The following DNAH6 variants were observed in gnomAD, a reference collection of about 807,000 sequenced individuals.
DNAH6 encodes the protein axonemal beta dynein heavy chain 6.
A neutral mutation model predicts 491.4 loss-of-function variants in DNAH6; 340 were observed. The ratio of observed to expected loss-of-function variants is 0.69; its 90% CI spans 0.63 to 0.76. The LOEUF (loss-of-function observed/expected upper bound fraction) is 0.76. Ranked by LOEUF, DNAH6 falls within the 30% of genes least tolerant of loss-of-function variation. The pLI, the probability that DNAH6 is intolerant of heterozygous loss-of-function variation, is 0.00. For synonymous variants in DNAH6, 1,603 were observed against 1,686.1 expected (o/e 0.95, Z 1.21); for missense variants, 4,443 against 4,972.2 (o/e 0.89, Z 3.20).
chr2:84,687,019 T>C (rs1051044824), intron 44 of DNAH6, among the ~76,000 whole-genome samples: 1 of 152,228 alleles, frequency 6.6e-6, no homozygotes, highest in African/African-American at 2.4e-5. Context: ...CTCTACATAG[T>C]GAAGCTACTT....
the DNAH6 span, among the ~76,000 whole-genome samples, chr2:84,489,829 A>G: frequency 2.0e-5 from 3 of 152,194 alleles, no homozygotes; most frequent in Non-Finnish European, 2.9e-5. Context: ...GTTAGACCTC[A>G]TCCCCAGAGT....
At chr2:84,756,030 AGG>A (rs1673976224) in intron 63 of DNAH6, among the ~76,000 whole-genome samples, 1 of 152,174 alleles carries the variant, frequency 6.6e-6, no homozygotes, top group Non-Finnish European at 1.5e-5. Flanking sequence ...CATGATTGTG[AGG>A]CTTCCCCAGC....
rs1252726073 is a variant in DNAH6, at chr2:84,634,470, A to G, written c.4516-34A>G. ...AATTTTTGAAGGAGCTGAACTACAC[A>G]ATACAAAGTTGAACTGCTTTATTTT... On this transcript the variant is annotated intron_variant, in intron 29 of 76. Coordinates refer to ENST00000389394, the MANE Select transcript of DNAH6 (RefSeq NM_001370.2). The G allele has an allele frequency of 2.2e-5, 32 of 1,486,542 alleles. No individual in the cohort carries two copies. The East Asian group carries it at 6.9e-4, about 32-fold the overall frequency. 92.1% of individuals were successfully genotyped at this position (1,486,542 alleles called of 1,614,324 possible).
chr2:84,569,058 G>A (rs1046498277), intron 11 of DNAH6, among the ~76,000 whole-genome samples: 4 of 152,064 alleles, frequency 2.6e-5, no homozygotes, highest in Non-Finnish European at 4.4e-5. Context: ...TCAACAATAC[G>A]TAAGTACATA....
At chr2:84,719,791 C>T (rs1430989730) in intron 59 of DNAH6, among the ~76,000 whole-genome samples, 4 of 151,650 alleles carry the variant, frequency 2.6e-5, no homozygotes, top group Admixed American at 6.6e-5. Flanking sequence ...CCCAAAGTGT[C>T]GGAATTACAG....
At chr2:84,488,862 G>A in the DNAH6 span, among the ~76,000 whole-genome samples, 2 of 152,126 alleles carry the variant, frequency 1.3e-5, no homozygotes, top group Admixed American at 6.5e-5. Flanking sequence ...GGGCCATTAC[G>A]TCTGATCCAA....
intron 11 of DNAH6, among the ~76,000 whole-genome samples, chr2:84,560,403 C>T (rs187224373): frequency 6.6e-6 from 1 of 150,996 alleles, no homozygotes; most frequent in African/African-American, 2.4e-5. Context: ...ATCTAGCCAA[C>T]CTAGTCTTTT....
intron 41 of DNAH6, among the ~76,000 whole-genome samples, chr2:84,680,207 A>G (rs543612635): frequency 6.6e-5 from 10 of 152,320 alleles, no homozygotes; most frequent in African/African-American, 1.7e-4. Context: ...AAAAGATCTC[A>G]TATATGACAC....
At chr2:84,783,430 T>C (rs1294329499) in intron 65 of DNAH6, among the ~76,000 whole-genome samples, 1 of 152,248 alleles carries the variant, frequency 6.6e-6, no homozygotes, top group Non-Finnish European at 1.5e-5. Flanking sequence ...CCTGGCCTTC[T>C]TCTTTCTTTG....
chr2:84,690,440 A>G (rs970720903), intron 45 of DNAH6, among the ~76,000 whole-genome samples: 11 of 152,160 alleles, frequency 7.2e-5, no homozygotes, highest in Admixed American at 2.6e-4. Flanking sequence ...TTTTATTCCC[A>G]TCGCTCAGGC....
At chr2:84,624,646 T>C in intron 28 of DNAH6, 26 bp downstream of exon 28, 1 of 1,546,150 alleles carries the variant, frequency 6.5e-7, no homozygotes, top group Non-Finnish European at 8.7e-7. Flanking sequence ...CTTGGGTTAA[T>C]ATTGACACAA....
At chr2:84,534,060 A>C (rs76579770) in intron 4 of DNAH6, among the ~76,000 whole-genome samples, 1 of 152,006 alleles carries the variant, frequency 6.6e-6, no homozygotes, top group African/African-American at 2.4e-5. Flanking sequence ...AAATTATGAC[A>C]TATTTATTAT....
At chr2:84,663,506 G>A (rs1319004405) in intron 37 of DNAH6, among the ~76,000 whole-genome samples, 5 of 152,120 alleles carry the variant, frequency 3.3e-5, no homozygotes, top group Admixed American at 6.6e-5. Context: ...AGAGATTGAA[G>A]ATCAAATGAA....
the DNAH6 span, among the ~76,000 whole-genome samples, chr2:84,476,167 A>T: frequency 9.2e-5 from 14 of 152,378 alleles, no homozygotes; most frequent in Admixed American, 2.0e-4. Flanking sequence ...AAGTTTGCAC[A>T]AAAGGAGAAT....
chr2:84,536,585 C>A (rs1222588435), intron 4 of DNAH6, among the ~76,000 whole-genome samples: 1 of 151,960 alleles, frequency 6.6e-6, no homozygotes, highest in Non-Finnish European at 1.5e-5. Flanking sequence ...AGACAAGTAA[C>A]AACTGTTAGA....
At chr2:84,710,247 G>T in intron 55 of DNAH6, 40 bp from the exon 56 acceptor site, 1 of 1,538,290 alleles carries the variant, frequency 6.5e-7, no homozygotes, top group Non-Finnish European at 8.8e-7. Flanking sequence ...CATTTATTAT[G>T]CTCTGAAGCA....
intron 20 of DNAH6, 39 bp downstream of exon 20, chr2:84,605,631 C>G (rs986570785): frequency 1.2e-5 from 15 of 1,272,964 alleles, no homozygotes; most frequent in Admixed American, 2.0e-5. Flanking sequence ...GGTAAAGATC[C>G]CAGCCACACC....
At chr2:84,607,374 A>G (rs552482840) in intron 21 of DNAH6, among the ~76,000 whole-genome samples, 2 of 152,316 alleles carry the variant, frequency 1.3e-5, no homozygotes, top group East Asian at 1.9e-4. Flanking sequence ...CAAATGTTGC[A>G]ATAAAGAAAG....
intron 63 of DNAH6, among the ~76,000 whole-genome samples, chr2:84,761,493 C>CA (rs1441240161): frequency 6.0e-5 from 9 of 151,224 alleles, no homozygotes; most frequent in Non-Finnish European, 8.8e-5. Flanking sequence ...AGTGTCCACC[C>CA]AAAAAAAATA....
Sources: gnomAD v4.1 joint callset for allele counts (sites outside exome capture counted in the v4.1 genomes callset) on GRCh38, gnomAD v4.1.1 for gene constraint, MANE v1.5 for transcripts, NCBI Gene and HGNC (gene_info 2026-07-23, HGNC 2026-07-21) for gene names.